The following TAB1 variants were observed in gnomAD, a reference collection of about 807,000 sequenced individuals.
The protein encoded by TAB1 is TGF-beta-activated kinase 1 and MAP3K7-binding protein 1.
Under a neutral mutation model 54.5 loss-of-function variants are expected in TAB1, and 30 were observed. The observed-to-expected ratio is 0.55, with a 90% CI of 0.41 to 0.75. The LOEUF is 0.75. TAB1 is among the 30% of genes least tolerant of loss of function. The pLI, the probability that TAB1 is intolerant of heterozygous loss-of-function variation, is 0.00. For synonymous variants in TAB1, 289 were observed against 286.9 expected (o/e 1.01, Z -0.07); for missense variants, 609 against 683.2 (o/e 0.89, Z 1.21).
At chr22:39,414,609 G>T (rs892896214) in intron 1 of TAB1, 3 of 200,422 alleles carry the variant, frequency 1.5e-5, no homozygotes, top group African/African-American at 2.4e-5. Flanking sequence ...CTGCAGTGTT[G>T]GTAACCAATG....
In TAB1 at chr22:39,420,819, T is replaced by TG. The variant is rs1406446293; in HGVS notation, c.777-1008_777-1007insG. ...TGTGTGTGTGTGTGTGTGTGTGTGT[T>TG]TGTCCTGGGGGCCAAGGAGCCTGCA... is the stretch of plus-strand genomic sequence containing the variant. On this transcript the variant is annotated intron_variant, in intron 7 of 10. Transcript: ENST00000216160. 7.1e-3 allele frequency among the ~76,000 whole-genome samples: 181 copies of TG among 25,418 alleles called. 10 individuals are homozygous for TG. Among genetic ancestry groups the TG allele is most frequent in the Non-Finnish European group, 8.6e-3 (101 of 11,744 alleles). 16.7% of individuals were successfully genotyped at this position (25,418 alleles called of 152,430 possible).
chr22:39,409,273 A>G (rs1483445050), intron 1 of TAB1, among the ~76,000 whole-genome samples: 2 of 152,198 alleles, frequency 1.3e-5, no homozygotes, highest in Non-Finnish European at 1.5e-5. Flanking sequence ...CAGACTAGAA[A>G]AGGAGCTACC....
intron 1 of TAB1, among the ~76,000 whole-genome samples, chr22:39,409,461 C>T (rs753371371): frequency 9.2e-5 from 14 of 152,322 alleles, no homozygotes; most frequent in Admixed American, 7.8e-4. Flanking sequence ...CACTGCCCTC[C>T]CCCCCAGGCA....
intron 7 of TAB1, among the ~76,000 whole-genome samples, chr22:39,420,532 T>G (rs944555024): frequency 6.6e-6 from 1 of 152,332 alleles, no homozygotes; most frequent in East Asian, 1.9e-4. Flanking sequence ...TTAGAACTCC[T>G]TGCCCTCACG....
chr22:39,422,720 A>T (rs1927149649), intron 8 of TAB1, among the ~76,000 whole-genome samples: 1 of 152,128 alleles, frequency 6.6e-6, no homozygotes, highest in Admixed American at 6.5e-5. Context: ...TTCTACAGTG[A>T]GGATGGTAAC....
At chr22:39,419,746 C>T in intron 7 of TAB1, 116 bp downstream of exon 7, 1 of 600,454 alleles carries the variant, frequency 1.7e-6, no homozygotes, top group East Asian at 3.1e-5. Flanking sequence ...GTGATCATGC[C>T]ACTGCACTCC....
chr22:39,407,707 G>A (rs528077792), intron 1 of TAB1, among the ~76,000 whole-genome samples: 5 of 151,934 alleles, frequency 3.3e-5, no homozygotes, highest in African/African-American at 7.3e-5. Context: ...GGATGGTCTC[G>A]ATCTCCTGAC....
intron 1 of TAB1, among the ~76,000 whole-genome samples, chr22:39,413,903 T>A (rs1248091505): frequency 2.0e-5 from 3 of 152,132 alleles, no homozygotes; most frequent in Non-Finnish European, 4.4e-5. Context: ...GGGCCTTGCA[T>A]CAAAGTTGTT....
intron 1 of TAB1, among the ~76,000 whole-genome samples, chr22:39,401,844 A>G (rs551338901): frequency 1.6e-4 from 25 of 152,082 alleles, no homozygotes; most frequent in African/African-American, 6.0e-4. Flanking sequence ...GGGCTTGCTG[A>G]TGTCACATCC....
At chr22:39,419,793 A>G (rs1322356464) in intron 7 of TAB1, among the ~76,000 whole-genome samples, 163 bp downstream of exon 7, 1 of 152,068 alleles carries the variant, frequency 6.6e-6, no homozygotes, top group East Asian at 1.9e-4. Flanking sequence ...TCTCAAAAAA[A>G]AAAAAAGGTC....
At chr22:39,419,383 AGGTGCCCT>A (rs1415807916) in intron 6 of TAB1, 128 bp from the exon 7 acceptor site, 6 of 641,614 alleles carry the variant, frequency 9.4e-6, no homozygotes, top group African/African-American at 9.1e-5. Flanking sequence ...CTGCTCTCCC[AGGTGCCCT>A]GGTGTTGTCT....
downstream of TAB1, chr22:39,432,342 A>G (rs1927618672): frequency 6.6e-6 from 1 of 152,244 alleles, no homozygotes; most frequent in South Asian, 2.1e-4. Flanking sequence ...GATCTTCTAT[A>G]AATACCAGTC....
At chr22:39,429,015 C>T in intron 10 of TAB1, 1 of 976,252 alleles carries the variant, frequency 1.0e-6, no homozygotes, top group Non-Finnish European at 1.2e-6. Flanking sequence ...CCCTGCCGGG[C>T]TGCCTGGAGG....
chr22:39,412,892 CTTTTTTTTT>C (rs34847488), intron 1 of TAB1, among the ~76,000 whole-genome samples: 1 of 90,470 alleles, frequency 1.1e-5, no homozygotes, highest in East Asian at 4.0e-4. Flanking sequence ...TATCCTGCAA[CTTTTTTTTT>C]TTTTTTTTTT....
downstream of TAB1, among the ~76,000 whole-genome samples, chr22:39,434,169 C>T (rs778780158): frequency 1.3e-5 from 2 of 152,218 alleles, no homozygotes; most frequent in African/African-American, 2.4e-5. Flanking sequence ...TGGCCATAGC[C>T]GTGAGAAGTG....
At chr22:39,417,909 G>A in intron 5 of TAB1, 60 bp downstream of exon 5, 1 of 1,528,772 alleles carries the variant, frequency 6.5e-7, no homozygotes, top group Non-Finnish European at 8.8e-7. Flanking sequence ...ACAGGGGTCG[G>A]TGCATTATTT....
intron 4 of TAB1, among the ~76,000 whole-genome samples, chr22:39,417,124 C>G (rs1011792611): frequency 6.6e-6 from 1 of 152,230 alleles, no homozygotes; most frequent in Non-Finnish European, 1.5e-5. Flanking sequence ...CCCAGTCCTT[C>G]GTCCTGAATG....
At position 39,431,043 on chromosome 22, in the gene TAB1, G is replaced by T; in HGVS notation, c.*821G>T. ...CCTTCTGGTGCTGTGAAGACCATAGGCTGGCAGGCAGCTGAGATGAACTGT... is the reference window on the plus strand; with the variant it reads ...CCTTCTGGTGCTGTGAAGACCATAGTCTGGCAGGCAGCTGAGATGAACTGT... On this transcript the variant is annotated 3_prime_UTR_variant, in exon 11 of 11. Coordinates refer to ENST00000216160, the MANE Select transcript of TAB1 (RefSeq NM_006116.3). 1.0e-6 allele frequency: 1 copy of T among 985,722 alleles called. No individual in the cohort carries two copies. The highest frequency in any genetic ancestry group is 1.2e-6 in the Non-Finnish European group (1 of 830,116). The allele number at this position is 985,722 out of a possible 1,614,324, so 61.1% of individuals were successfully genotyped here.
rs201560638 is a variant in TAB1, at chr22:39,416,893, G to A, written c.411+16G>A. 25 of 1,613,332 alleles carry A rather than the reference G, an allele frequency of 1.5e-5. No homozygotes were observed. The highest frequency in any genetic ancestry group is 3.3e-4 in the Middle Eastern group (2 of 6,082). On this transcript the variant is annotated intron_variant, in intron 4 of 10. Transcript: ENST00000216160. ...ATTGCCAGAGGTAATTTCCCCAGCC[G>A]ACACCCAGGGGAGTCAAGTCCAGGC...
Sources: allele counts gnomAD v4.1 joint callset (sites outside exome capture counted in the v4.1 genomes callset), GRCh38; gene constraint gnomAD v4.1.1; transcripts MANE v1.5; gene names NCBI Gene and HGNC (gene_info 2026-07-23, HGNC 2026-07-21).